Variants in ELAVL2 observed in about 807,000 individuals in gnomAD.
ELAVL2 encodes ELAV like RNA binding protein 2.
In ELAVL2, 4 loss-of-function variants were observed where a neutral mutation model predicts 34.6. That is an observed-to-expected ratio of 0.12 (90% CI 0.06 to 0.26). The LOEUF (loss-of-function observed/expected upper bound fraction) is 0.26. ELAVL2 is among the 10% of genes least tolerant of loss of function. The pLI, the probability that ELAVL2 is intolerant of heterozygous loss-of-function variation, is 1.00. For missense variants in ELAVL2, 432 were observed against 442.8 expected, an observed-to-expected ratio of 0.98 and a Z score of 0.22; for synonymous variants, 193 against 154.8, an observed-to-expected ratio of 1.25 and a Z score of -1.83.
intron 1 of ELAVL2, among the ~76,000 whole-genome samples, chr9:23,816,086 C>G (rs966832434): frequency 2.6e-5 from 4 of 152,036 alleles, no homozygotes; most frequent in East Asian, 1.9e-4. Flanking sequence ...GTGCAAAATA[C>G]TAAAAACTGT....
intron 2 of ELAVL2, among the ~76,000 whole-genome samples, chr9:23,741,539 T>TCC (rs59864277): frequency 0.035 from 5,366 of 151,984 alleles, 329 homozygotes; most frequent in African/African-American, 0.12. Context: ...CTCTAGACAC[T>TCC]CCCCCTTAGG....
chr9:23,824,068 T>G (rs1486232921), intron 1 of ELAVL2, among the ~76,000 whole-genome samples: 1 of 152,208 alleles, frequency 6.6e-6, no homozygotes, highest in African/African-American at 2.4e-5. Context: ...CCTCCATCCC[T>G]GTCCAGCAGT....
intron 5 of ELAVL2, among the ~76,000 whole-genome samples, chr9:23,698,111 A>T (rs1190930477): frequency 1.3e-5 from 2 of 152,236 alleles, no homozygotes; most frequent in Admixed American, 1.3e-4. Flanking sequence ...TAAAAAATGC[A>T]TAAAGGCTCA....
chr9:23,830,901 GA>G (rs941902230), upstream of ELAVL2, among the ~76,000 whole-genome samples: 2 of 151,030 alleles, frequency 1.3e-5, no homozygotes, highest in Admixed American at 6.6e-5. Context: ...GAGGGTGAAG[GA>G]AAAAAAACCC....
At chr9:23,756,697 G>A (rs934275946) in intron 2 of ELAVL2, among the ~76,000 whole-genome samples, 1 of 152,152 alleles carries the variant, frequency 6.6e-6, no homozygotes, top group Non-Finnish European at 1.5e-5. Context: ...CTGAAGAGGG[G>A]ACAGCACTTT....
At chr9:23,726,982 T>C (rs555892520) in intron 3 of ELAVL2, among the ~76,000 whole-genome samples, 2 of 152,158 alleles carry the variant, frequency 1.3e-5, no homozygotes, top group African/African-American at 2.4e-5. Context: ...CTCACCAGCA[T>C]ACAACTTGAC....
At chr9:23,828,382 C>G (rs1476897639), upstream of ELAVL2, among the ~76,000 whole-genome samples, 1 of 152,052 alleles carries the variant, frequency 6.6e-6, no homozygotes, top group African/African-American at 2.4e-5. Flanking sequence ...ATATAAGTGC[C>G]TTCTAACTAG....
intron 1 of ELAVL2, among the ~76,000 whole-genome samples, chr9:23,763,200 A>C (rs1019553396): frequency 1.3e-5 from 2 of 152,156 alleles, no homozygotes; most frequent in African/African-American, 4.8e-5. Context: ...GGGTATCTAT[A>C]AACTCCAAAC....
chr9:23,811,996 G>A (rs1369213100), intron 1 of ELAVL2, among the ~76,000 whole-genome samples: 3 of 152,152 alleles, frequency 2.0e-5, no homozygotes, highest in African/African-American at 7.2e-5. Flanking sequence ...ACACAGTCCT[G>A]TCCCTAAAGC....
chr9:23,788,208 C>T lies in ELAVL2; in HGVS notation c.-15-25959G>A, dbSNP rs899355133. 3.9e-5 allele frequency among the ~76,000 whole-genome samples: 6 copies of T among 152,236 alleles called. No individual in the cohort carries two copies. The East Asian group carries it at 1.2e-3, about 29-fold the overall frequency. On this transcript the variant is annotated intron_variant, in intron 1 of 6. Coordinates refer to ENST00000397312, the MANE Select transcript of ELAVL2 (RefSeq NM_004432.5). ...CAATGGACCAGGATATAAAATATAA[C>T]AAGTGAGTGACAATAAACAGAGCTT... is the stretch of plus-strand genomic sequence containing the variant.
intron 1 of ELAVL2, among the ~76,000 whole-genome samples, chr9:23,794,250 G>C (rs987156831): frequency 1.3e-5 from 2 of 152,162 alleles, no homozygotes; most frequent in Non-Finnish European, 2.9e-5. Context: ...ATCAGGGCCT[G>C]GAATCAAAAG....
chr9:23,768,765 G>A (rs2056783865), intron 1 of ELAVL2, among the ~76,000 whole-genome samples: 1 of 152,110 alleles, frequency 6.6e-6, no homozygotes, highest in African/African-American at 2.4e-5. Flanking sequence ...TTATGGATAT[G>A]GGCATGTGGA....
chr9:23,702,364 T>C (rs1186762134), intron 4 of ELAVL2, among the ~76,000 whole-genome samples: 2 of 152,140 alleles, frequency 1.3e-5, no homozygotes, highest in African/African-American at 4.8e-5. Flanking sequence ...GATCACTCCC[T>C]GCCCCACATT....
At chr9:23,825,158 G>A (rs764031534) in intron 1 of ELAVL2, among the ~76,000 whole-genome samples, 41 of 152,156 alleles carry the variant, frequency 2.7e-4, no homozygotes, top group Non-Finnish European at 5.1e-4. Context: ...GATAATTGGA[G>A]TCCGTGAATC....
intron 1 of ELAVL2, among the ~76,000 whole-genome samples, chr9:23,768,253 T>C (rs2056688514): frequency 6.6e-6 from 1 of 152,152 alleles, no homozygotes; most frequent in Admixed American, 6.5e-5. Flanking sequence ...AACAGTCCAG[T>C]ACCTTCACTC....
At chr9:23,800,445 T>G (rs938738782) in intron 1 of ELAVL2, among the ~76,000 whole-genome samples, 2 of 152,202 alleles carry the variant, frequency 1.3e-5, no homozygotes, top group African/African-American at 2.4e-5. Context: ...AATGGCACCA[T>G]GCTTACATGA....
rs555510208 is a variant in ELAVL2 at position 23,807,508 on chromosome 9, C to CA, written c.-16+18297dup. ...CAACAAATGTCTTCCAAAGTTTCTA[C>CA]AAAAAAAAAACTGCCTAAGTCTCTT... On this transcript the variant is annotated intron_variant, in intron 1 of 6. Transcript: ENST00000397312. 4.1e-3 allele frequency among the ~76,000 whole-genome samples: 594 copies of CA among 145,420 alleles called. 3 individuals carry two copies. Among genetic ancestry groups the CA allele is most frequent in the Middle Eastern group, 0.014 (4 of 280 alleles).
chr9:23,735,997 C>A (rs72693550), intron 2 of ELAVL2, among the ~76,000 whole-genome samples: 19,175 of 152,064 alleles, frequency 0.13, 1,436 homozygotes, highest in South Asian at 0.17. Flanking sequence ...TATTCCCCTG[C>A]CACCTACATT....
In ELAVL2 at chr9:23,773,427, C is replaced by T. The variant is rs146110139; in HGVS notation, c.-15-11178G>A. Reference sequence around the variant, plus strand: ...TTACTCCTACTTTTGTCAGACTTCCCGCTTTGCAAGTTGTCTTAGTATCAT... The same window carrying T: ...TTACTCCTACTTTTGTCAGACTTCCTGCTTTGCAAGTTGTCTTAGTATCAT... On this transcript the variant is annotated intron_variant, in intron 1 of 6. Transcript: ENST00000397312. Among the ~76,000 whole-genome samples the T allele has an allele frequency of 4.5e-3, 681 of 152,236 alleles. 5 individuals carry two copies. The highest frequency in any genetic ancestry group is 0.015 in the African/African-American group (613 of 41,540).
Sources: allele counts gnomAD v4.1 joint callset (sites outside exome capture counted in the v4.1 genomes callset), GRCh38; gene constraint gnomAD v4.1.1; transcripts MANE v1.5; gene names NCBI Gene and HGNC (gene_info 2026-07-23, HGNC 2026-07-21).